Variants in NHSL1 observed in about 807,000 individuals in gnomAD.
NHSL1 encodes NHS like 1.
A neutral mutation model predicts 95.0 loss-of-function variants in NHSL1; 48 were observed. That is an observed-to-expected ratio of 0.51 (90% CI 0.40 to 0.64). NHSL1 has a LOEUF of 0.64. Among genes scored for constraint, NHSL1 ranks in the 30% least tolerant of loss-of-function variants. NHSL1 has a pLI of 0.00. For missense variants in NHSL1, 1,971 were observed against 2,077.7 expected (o/e 0.95, Z 1.00); for synonymous variants, 783 against 833.9 (o/e 0.94, Z 1.05).
chr6:138,616,997 G>A lies in NHSL1; in HGVS notation c.96+75479C>T, dbSNP rs888590529. Among the ~76,000 whole-genome samples, 6 of 152,338 alleles carry A rather than the reference G, an allele frequency of 3.9e-5. No individual in the cohort carries two copies. In the East Asian group the frequency reaches 9.6e-4, roughly 24 times the overall value. ...TCTCCTAGGTGCAATAGGAAATGCA[G>A]AAGTAGCCTAAAATGCAGTGCTATT... is the stretch of plus-strand genomic sequence containing the variant. On this transcript the variant is annotated intron_variant, in intron 1 of 3. Transcript: ENST00000491526.
At chr6:138,553,152 T>C (rs1783072607) in intron 1 of NHSL1, among the ~76,000 whole-genome samples, 1 of 152,222 alleles carries the variant, frequency 6.6e-6, no homozygotes, top group Non-Finnish European at 1.5e-5. Flanking sequence ...AATAAAGGCC[T>C]GTCTGGACTT....
upstream of NHSL1, among the ~76,000 whole-genome samples, chr6:138,549,187 C>T (rs1476107790): frequency 6.6e-6 from 1 of 152,092 alleles, no homozygotes; most frequent in Non-Finnish European, 1.5e-5. Context: ...AGTTCGAGAC[C>T]AGCCTAACCA....
Position 138,431,762 on chromosome 6 carries a change from T to G in NHSL1, c.2583A>C (p.Ala861=). Reference sequence around the variant, plus strand: ...TTAAAAACACAGGCACAGGGGTGAGTGCTGTGGGTGTATTCGACTGGCTGG... The same window carrying G: ...TTAAAAACACAGGCACAGGGGTGAGGGCTGTGGGTGTATTCGACTGGCTGG... The part of the protein sequence containing the change: ...GYSSQSNTPT[A]LTPVPVFLKS... Residue 861 remains alanine (A), a synonymous_variant, in exon 6 of 8, where the codon GCA becomes GCC. Transcript: ENST00000343505. This position sits in a 1 kb window ranked among gnomAD's most constrained non-coding sequence, Gnocchi z 4.0. 4 of 1,551,552 alleles carry G rather than the reference T, an allele frequency of 2.6e-6. No homozygotes were observed. In the South Asian group the frequency reaches 4.8e-5, roughly 18 times the overall value.
In NHSL1 at chr6:138,431,018, G is replaced by C. The variant is rs1775613451; in HGVS notation, c.3327C>G (p.His1109Gln). Residue 1109 changes from histidine to glutamine, a missense_variant, in exon 6 of 8, where the codon CAC becomes CAG. His to Gln is a conservative substitution (Grantham distance 24, BLOSUM62 0). This residue lies in a region of NHSL1 where 1,602 missense variants were observed against 1,654.5 expected (regional missense o/e 0.97). Coordinates refer to ENST00000343505, the MANE Select transcript of NHSL1 (RefSeq NM_001144060.2). The surrounding 1 kb of genome is among the most constrained non-coding windows in gnomAD (Gnocchi z 4.0). ...EQRTPVAPQYHLKPSAFLKSR... is the reference protein window; with the variant it reads ...EQRTPVAPQYQLKPSAFLKSR... Reference sequence around the variant, plus strand: ...ATTTCAGGAAAGCAGATGGCTTTAAGTGGTACTGTGGAGCAACTGGAGTTC... The same window carrying C: ...ATTTCAGGAAAGCAGATGGCTTTAACTGGTACTGTGGAGCAACTGGAGTTC... The C allele has an allele frequency of 6.4e-7, 1 of 1,552,192 alleles. No homozygotes were observed. The highest frequency in any genetic ancestry group is 1.4e-5 in the African/African-American group (1 of 73,072).
intron 1 of NHSL1, among the ~76,000 whole-genome samples, chr6:138,649,138 C>T (rs983557874): frequency 6.6e-6 from 1 of 152,078 alleles, no homozygotes; most frequent in Non-Finnish European, 1.5e-5. Flanking sequence ...GAGTGTCAGG[C>T]TAACCAGCAG....
intron 3 of NHSL1, among the ~76,000 whole-genome samples, chr6:138,461,294 A>G (rs561835386): frequency 6.6e-6 from 1 of 152,342 alleles, no homozygotes; most frequent in Admixed American, 6.5e-5. Context: ...GGAAACATCA[A>G]TGCATGGTAC....
Position 138,430,314 on chromosome 6 carries a change from G to C in NHSL1, c.3952+79C>G. ...ATCTACCTGGGTTCTTTCCACGTGTGAGCATTCAACAACCCTATCTGGTTC... is the reference window on the plus strand; with the variant it reads ...ATCTACCTGGGTTCTTTCCACGTGTCAGCATTCAACAACCCTATCTGGTTC... On this transcript the variant is annotated intron_variant, in intron 6 of 7. Transcript: ENST00000343505. The surrounding 1 kb of genome is among the most constrained non-coding windows in gnomAD (Gnocchi z 4.7). The C allele has an allele frequency of 7.1e-7, 1 of 1,407,848 alleles. No individual in the cohort carries two copies. Among genetic ancestry groups the C allele is most frequent in the Non-Finnish European group, 9.3e-7 (1 of 1,076,372 alleles). The allele number at this position is 1,407,848 out of a possible 1,614,324, so 87.2% of individuals were successfully genotyped here.
intron 1 of NHSL1, among the ~76,000 whole-genome samples, chr6:138,657,998 G>A (rs1785179615): frequency 1.3e-5 from 2 of 151,924 alleles, no homozygotes; most frequent in South Asian, 2.1e-4. Context: ...AACTAGTGAT[G>A]AGGAAATTGT....
Position 138,424,333 on chromosome 6 carries a change from G to T in NHSL1, c.4569C>A (p.Thr1523=), listed in dbSNP as rs1346761905. ...MRNRIQSSPM[T]VISEGEGEAV... The stretch of plus-strand genomic sequence containing the variant: ...CTTCCCCTTCTCCCTCCGAGATGAC[G>T]GTCATGGGGCTGCTCTGGATCCGGT... The change falls in exon 8 of 8, where the codon ACC becomes ACA. Residue 1523 remains threonine, a synonymous_variant. Coordinates refer to ENST00000343505, the MANE Select transcript of NHSL1 (RefSeq NM_001144060.2). The surrounding 1 kb of genome is among the most constrained non-coding windows in gnomAD (Gnocchi z 5.9). The T allele has an allele frequency of 3.0e-5, 46 of 1,537,280 alleles. No homozygotes were observed. Among genetic ancestry groups the T allele is most frequent in the Non-Finnish European group, 3.7e-5 (42 of 1,138,588 alleles).
At chr6:138,512,155 T>C in intron 1 of NHSL1, 1 of 363,084 alleles carries the variant, frequency 2.8e-6, no homozygotes, top group Non-Finnish European at 5.3e-6. Context: ...AGTATACATT[T>C]AGGCTGCTGA....
In NHSL1 at chr6:138,602,615, C is replaced by CT. The variant is rs536793735; in HGVS notation, c.96+89860dup. 8.1e-4 allele frequency among the ~76,000 whole-genome samples: 124 copies of CT among 152,176 alleles called. 1 individual carries two copies. Among genetic ancestry groups the CT allele is most frequent in the African/African-American group, 2.9e-3 (121 of 41,532 alleles). On this transcript the variant is annotated intron_variant, in intron 1 of 3. Coordinates refer to the NHSL1 transcript ENST00000491526. ...ATCTCAACTTCCCAAAGTGCTGGGA[C>CT]TACAGGCATGAGCCACCATGCCCAG...
At chr6:138,640,240 A>T (rs1299585781) in intron 1 of NHSL1, among the ~76,000 whole-genome samples, 2 of 152,166 alleles carry the variant, frequency 1.3e-5, no homozygotes, top group African/African-American at 4.8e-5. Flanking sequence ...CTTACATTAC[A>T]AAGTGGTATA....
intron 1 of NHSL1, among the ~76,000 whole-genome samples, chr6:138,569,141 C>G (rs1260084922): frequency 6.6e-6 from 1 of 152,094 alleles, no homozygotes; most frequent in Non-Finnish European, 1.5e-5. Flanking sequence ...AGAACCGGAC[C>G]CCCGCCAACC....
chr6:138,636,350 T>G (rs1784888826), intron 1 of NHSL1, among the ~76,000 whole-genome samples: 1 of 152,182 alleles, frequency 6.6e-6, no homozygotes, highest in African/African-American at 2.4e-5. Context: ...CTCTAAGATC[T>G]GCAACATGAC....
At chr6:138,568,838 T>C (rs1271165623) in intron 1 of NHSL1, among the ~76,000 whole-genome samples, 1 of 152,260 alleles carries the variant, frequency 6.6e-6, no homozygotes, top group Non-Finnish European at 1.5e-5. Flanking sequence ...CCCTAGTTTC[T>C]TGACATTAAA....
Position 138,422,686 on chromosome 6 carries a change from C to T in NHSL1, c.*1395G>A, listed in dbSNP as rs1024449372. 2.6e-5 allele frequency: 4 copies of T among 152,204 alleles called. No homozygotes were observed. The highest frequency in any genetic ancestry group is 4.4e-5 in the Non-Finnish European group (3 of 68,042). The allele number at this position is 152,204 out of a possible 1,614,324, so 9.4% of individuals were successfully genotyped here. On this transcript the variant is annotated 3_prime_UTR_variant, in exon 8 of 8. Transcript: ENST00000343505. ...ATTACATTAAAATAAAGACTTCACA[C>T]ACGTGTGTCCCATGTCTAAAATTGT... is the stretch of plus-strand genomic sequence containing the variant.
chr6:138,605,457 C>T (rs1784420506), intron 1 of NHSL1, among the ~76,000 whole-genome samples: 1 of 151,978 alleles, frequency 6.6e-6, no homozygotes, highest in African/African-American at 2.4e-5. Context: ...ACATTCTCAC[C>T]CCCCACAAAA....
intron 1 of NHSL1, among the ~76,000 whole-genome samples, chr6:138,506,689 A>G (rs1182276973): frequency 1.3e-5 from 2 of 152,214 alleles, no homozygotes; most frequent in East Asian, 3.8e-4. Flanking sequence ...GTCATAGAAT[A>G]GTAAGAGTTT....
intron 1 of NHSL1, among the ~76,000 whole-genome samples, chr6:138,658,861 G>A (rs1483565754): frequency 2.6e-5 from 4 of 151,972 alleles, no homozygotes; most frequent in South Asian, 2.1e-4. Flanking sequence ...CTTTTCTTAC[G>A]TTTTGTTTCT....
Sources: gnomAD v4.1 joint callset for allele counts (sites outside exome capture counted in the v4.1 genomes callset) on GRCh38, gnomAD v4.1.1 for gene constraint, gnomAD v4.1.1 regional missense constraint, Gnocchi (gnomAD v3.1) non-coding constraint, MANE v1.5 for transcripts, NCBI Gene and HGNC (gene_info 2026-07-23, HGNC 2026-07-21) for gene names.